Variants in SCAF8 observed in about 807,000 individuals in gnomAD.
SCAF8 encodes the protein SR-related and CTD-associated factor 8.
SCAF8 carries 23 observed loss-of-function variants against 140.5 expected under a neutral mutation model. The ratio of observed to expected loss-of-function variants is 0.16; its 90% confidence interval spans 0.12 to 0.23. The LOEUF is 0.23. Among genes scored for constraint, SCAF8 ranks in the 10% least tolerant of loss-of-function variants. The pLI is 1.00. For missense variants in SCAF8, 1,397 were observed against 1,555.7 expected (o/e 0.90, Z 1.72); for synonymous variants, 575 against 528.9 (o/e 1.09, Z -1.20).
chr6:154,737,480 A>G (rs778774546), intron 1 of SCAF8, among the ~76,000 whole-genome samples: 28 of 152,074 alleles, frequency 1.8e-4, no homozygotes, highest in Non-Finnish European at 3.1e-4. Context: ...GTTCCATGCT[A>G]GCCTGGCCAG....
Position 154,753,638 on chromosome 6 carries a change from A to G in SCAF8, c.30+19708A>G, listed in dbSNP as rs554978672. The stretch of plus-strand genomic sequence containing the variant: ...AAATAAATACATGTATAAAGTGTCT[A>G]TTTTATATATATACATGTATACAAT... On this transcript the variant is annotated intron_variant, in intron 1 of 19. Coordinates refer to ENST00000367178, the MANE Select transcript of SCAF8 (RefSeq NM_014892.5). 1.8e-4 allele frequency among the ~76,000 whole-genome samples: 27 copies of G among 152,062 alleles called. No individual in the cohort carries two copies. In the South Asian group the frequency reaches 5.4e-3, roughly 30 times the overall value.
At chr6:154,777,298 A>G (rs1386610882) in intron 2 of SCAF8, among the ~76,000 whole-genome samples, 1 of 152,216 alleles carries the variant, frequency 6.6e-6, no homozygotes, top group African/African-American at 2.4e-5. Context: ...ACACATGTAT[A>G]TACTATACGC....
chr6:154,832,290 G>A lies in SCAF8; in HGVS notation c.2711G>A (p.Gly904Glu). The A allele has an allele frequency of 6.2e-7, 1 of 1,614,008 alleles. No homozygotes were observed. The highest frequency in any genetic ancestry group is 1.7e-5 in the Admixed American group (1 of 60,004). Residue 904 changes from glycine (G) to glutamate (E), a missense_variant, in exon 20 of 20, where the codon GGA becomes GAA. By Grantham distance (98) the Gly-to-Glu change is moderately conservative. This residue lies in a region of SCAF8 where 930 missense variants were observed against 874.6 expected (regional missense o/e 1.06). Coordinates refer to ENST00000367178, the MANE Select transcript of SCAF8 (RefSeq NM_014892.5). ...PGLLGTQPPA[G>E]PQNLPPLSIP... ...CTTCTGGGAACACAGCCACCAGCTG[G>A]ACCTCAAAACTTACCCCCTTTAAGT... is the stretch of plus-strand genomic sequence containing the variant.
chr6:154,810,651 CA>C, intron 12 of SCAF8, among the ~76,000 whole-genome samples: 1 of 152,240 alleles, frequency 6.6e-6, no homozygotes, highest in Non-Finnish European at 1.5e-5. Flanking sequence ...TCCTACTGTA[CA>C]AACCTTGCAC....
chr6:154,765,390 A>G (rs1776532838), intron 1 of SCAF8, among the ~76,000 whole-genome samples: 1 of 152,250 alleles, frequency 6.6e-6, no homozygotes, highest in African/African-American at 2.4e-5. Context: ...CTGGGTTCAC[A>G]TTAGTTCAGT....
chr6:154,814,305 G>A (rs1330370761), intron 12 of SCAF8, among the ~76,000 whole-genome samples: 1 of 152,232 alleles, frequency 6.6e-6, no homozygotes. Context: ...GCAACAGAGT[G>A]AGACCTGTCT....
At chr6:154,803,201 A>G (rs1157791524) in intron 7 of SCAF8, among the ~76,000 whole-genome samples, 10 of 152,208 alleles carry the variant, frequency 6.6e-5, no homozygotes, top group Non-Finnish European at 1.0e-4. Flanking sequence ...GAACCATATT[A>G]GGAATAGATC....
intron 6 of SCAF8, among the ~76,000 whole-genome samples, chr6:154,801,310 C>T (rs1193527543): frequency 7.3e-5 from 11 of 151,286 alleles, no homozygotes; most frequent in Non-Finnish European, 7.4e-5. Context: ...AGTAGCTTTG[C>T]TGTCTTTATT....
In SCAF8 at chr6:154,790,656, G is replaced by A. The variant is rs200056131; in HGVS notation, c.322-2167G>A. 4.0e-5 allele frequency among the ~76,000 whole-genome samples: 6 copies of A among 151,394 alleles called. No individual in the cohort carries two copies. In the East Asian group the frequency reaches 1.2e-3, roughly 29 times the overall value. ...CTCCCAAGTAGCTGGGACTACAGGC[G>A]CCCACCACCACGCCTGGCTAATGTT... On this transcript the variant is annotated intron_variant, in intron 4 of 19. Coordinates refer to ENST00000367178, the MANE Select transcript of SCAF8 (RefSeq NM_014892.5).
intron 1 of SCAF8, among the ~76,000 whole-genome samples, chr6:154,736,266 T>G (rs1778416850): frequency 3.7e-5 from 1 of 27,298 alleles, no homozygotes; most frequent in Non-Finnish European, 5.7e-5. Flanking sequence ...CATCCAAGAC[T>G]TTTTTTTTTT....
chr6:154,761,753 A>G (rs1776408632), intron 1 of SCAF8, among the ~76,000 whole-genome samples: 1 of 152,110 alleles, frequency 6.6e-6, no homozygotes, highest in Non-Finnish European at 1.5e-5. Context: ...AATAAATTTG[A>G]AAACCTTAGG....
intron 1 of SCAF8, among the ~76,000 whole-genome samples, chr6:154,734,808 T>C (rs1218391245): frequency 6.6e-6 from 1 of 152,194 alleles, no homozygotes; most frequent in African/African-American, 2.4e-5. Context: ...TCAGCATTAG[T>C]ATCCCTACCC....
At chr6:154,818,735 A>G in intron 14 of SCAF8, 143 bp downstream of exon 14, 1 of 414,006 alleles carries the variant, frequency 2.4e-6, no homozygotes, top group East Asian at 3.7e-5. Context: ...ATTCTTTTTA[A>G]ATGTTATGGA....
In SCAF8 at chr6:154,832,076, A is replaced by G. The variant is rs1166568430; in HGVS notation, c.2497A>G (p.Asn833Asp). ...NSEILGVRPS[N>D]VSSSSGIIAA... ...TGAAATTCTTGGGGTCCGGCCATCT[A>G]ATGTTTCCAGTAGTTCTGGGATTAT... Residue 833 changes from asparagine (N) to aspartate (D), a missense_variant, in exon 20 of 20, where the codon AAT becomes GAT. Asn to Asp is a conservative substitution (Grantham distance 23). Transcript: ENST00000367178. The G allele has an allele frequency of 1.2e-6, 2 of 1,614,138 alleles. No individual in the cohort carries two copies. The highest frequency in any genetic ancestry group is 1.7e-6 in the Non-Finnish European group (2 of 1,179,990).
At chr6:154,825,899 T>A (rs1285269485) in intron 17 of SCAF8, among the ~76,000 whole-genome samples, 4 of 152,152 alleles carry the variant, frequency 2.6e-5, no homozygotes, top group African/African-American at 9.6e-5. Flanking sequence ...ACCTAGAAAC[T>A]CTAATTCAAG....
chr6:154,752,174 GA>G (rs1170040543), intron 1 of SCAF8, among the ~76,000 whole-genome samples: 1 of 152,106 alleles, frequency 6.6e-6, no homozygotes, highest in Non-Finnish European at 1.5e-5. Context: ...TTTAAAGCCT[GA>G]AAAGGCTTCA....
Position 154,795,005 on chromosome 6 carries a change from A to G in SCAF8, c.476-4A>G. On this transcript the variant is annotated splice_polypyrimidine_tract_variant and splice_region_variant and intron_variant, in intron 5 of 19. Coordinates refer to ENST00000367178, the MANE Select transcript of SCAF8 (RefSeq NM_014892.5). ...TTTGGGGGGTGTGATGTTCTTTTTA[A>G]AAGGAACTCCTGTGACACCTGTTAC... 6.3e-7 allele frequency: 1 copy of G among 1,587,514 alleles called. No individual in the cohort carries two copies. Among genetic ancestry groups the G allele is most frequent in the Non-Finnish European group, 8.5e-7 (1 of 1,171,732 alleles).
chr6:154,783,383 G>T (rs1053042887), intron 3 of SCAF8, among the ~76,000 whole-genome samples: 1 of 152,258 alleles, frequency 6.6e-6, no homozygotes, highest in South Asian at 2.1e-4. Context: ...TCTTAGATAC[G>T]GTGAGGTCAG....
chr6:154,813,625 C>G (rs549929138), intron 12 of SCAF8, among the ~76,000 whole-genome samples: 1 of 152,098 alleles, frequency 6.6e-6, no homozygotes, highest in African/African-American at 2.4e-5. Context: ...TAAAAGGTAT[C>G]TACATTTAAA....
Sources: gnomAD v4.1 joint callset for allele counts (sites outside exome capture counted in the v4.1 genomes callset) on GRCh38, gnomAD v4.1.1 for gene constraint, gnomAD v4.1.1 regional missense constraint, MANE v1.5 for transcripts, NCBI Gene and HGNC (gene_info 2026-07-23, HGNC 2026-07-21) for gene names.